The following MCTS1 variants were observed in gnomAD, a reference collection of about 807,000 sequenced individuals.
MCTS1 encodes MCTS1 re-initiation and release factor.
For synonymous variants in MCTS1, 26 were observed against 40.8 expected, an observed-to-expected ratio of 0.64 and a Z score of 1.38; for missense variants, 55 against 128.6, an observed-to-expected ratio of 0.43 and a Z score of 2.77.
intron 4 of MCTS1, among the ~76,000 whole-genome samples, chrX:120,610,143 G>A (rs752169599): frequency 3.6e-5 from 4 of 110,844 alleles, no homozygotes; most frequent in Non-Finnish European, 5.7e-5. Flanking sequence ...CCAACATGAC[G>A]AAACCCTGTC....
rs1229773891 is a variant in MCTS1, at chrX:120,617,931, G to T, written c.*5667G>T. ...CCTTGAAAACAAATACAATTCAATT[G>T]CCTTTTTGGTTCATGGGAAGCCATA... On this transcript the variant is annotated 3_prime_UTR_variant, in exon 6 of 6. Transcript: ENST00000371317. Among the ~76,000 whole-genome samples the T allele has an allele frequency of 8.9e-6, 1 of 112,277 alleles. No homozygotes were observed. The highest frequency in any genetic ancestry group is 1.9e-5 in the Non-Finnish European group (1 of 53,278).
intron 3 of MCTS1, among the ~76,000 whole-genome samples, chrX:120,606,770 G>A (rs943881427): frequency 2.2e-5 from 2 of 92,686 alleles, no homozygotes; most frequent in Admixed American, 2.6e-4. Flanking sequence ...GGGAACAAGA[G>A]CGAGACTTAG....
chrX:120,611,379 G>C, intron 5 of MCTS1: 1 of 188,023 alleles, frequency 5.3e-6, no homozygotes. Flanking sequence ...GAGGAGGGAA[G>C]ATGTTTTACT....
chrX:120,620,107 C>G lies in MCTS1; in HGVS notation c.*7843C>G, dbSNP rs191863762. Among the ~76,000 whole-genome samples the G allele has an allele frequency of 8.9e-3, 967 of 108,912 alleles. 10 individuals carry two copies. The highest frequency in any genetic ancestry group is 0.03 in the African/African-American group (910 of 29,850). 94.6% of individuals were successfully genotyped at this position (108,912 alleles called of 115,157 possible). ...TGGGCGGATCACGAGGTCAGGAGATCGAGACCATCCTGGCTAACGTGAAAC... is the reference window on the plus strand; with the variant it reads ...TGGGCGGATCACGAGGTCAGGAGATGGAGACCATCCTGGCTAACGTGAAAC... On this transcript the variant is annotated 3_prime_UTR_variant, in exon 6 of 6. Transcript: ENST00000371317.
At chrX:120,606,505 C>T (rs1019977360) in intron 3 of MCTS1, among the ~76,000 whole-genome samples, 5 of 112,488 alleles carry the variant, frequency 4.4e-5, no homozygotes, top group African/African-American at 1.3e-4. Flanking sequence ...TATTTATTGC[C>T]GGGCACGGAG....
At chrX:120,609,611 T>C (rs1036397834) in intron 4 of MCTS1, among the ~76,000 whole-genome samples, 1 of 112,215 alleles carries the variant, frequency 8.9e-6, no homozygotes, top group Admixed American at 9.5e-5. Flanking sequence ...TTTTGCCTAA[T>C]AGGTGCTCAC....
At chrX:120,604,328 C>T in intron 1 of MCTS1, 81 bp downstream of exon 1, 1 of 1,127,616 alleles carries the variant, frequency 8.9e-7, no homozygotes, top group East Asian at 3.0e-5. Context: ...AGCTAAGATC[C>T]TCTTTCTCTC....
rs1926529890 is a variant in MCTS1, at chrX:120,606,347, G to A, written c.262+171G>A. On this transcript the variant is annotated intron_variant, in intron 3 of 5. Coordinates refer to ENST00000371317, the MANE Select transcript of MCTS1 (RefSeq NM_014060.3). ...ACAAAAAGAGTTTAGAGTGACTTCT[G>A]ATAATTGACTCATTATTTATTAGTA... is the stretch of plus-strand genomic sequence containing the variant. Among the ~76,000 whole-genome samples, 3 of 112,244 alleles carry A rather than the reference G, an allele frequency of 2.7e-5. No individual in the cohort carries two copies. In the South Asian group the frequency reaches 1.1e-3, roughly 41 times the overall value.
rs936864670 is a variant in MCTS1, at chrX:120,617,764, G to A, written c.*5500G>A. ...GACTCGATTGTCAATAACTGTTAAC[G>A]TCCATTTAATAATCTATGGTGAAAT... On this transcript the variant is annotated 3_prime_UTR_variant, in exon 6 of 6. Coordinates refer to ENST00000371317, the MANE Select transcript of MCTS1 (RefSeq NM_014060.3). Among the ~76,000 whole-genome samples the A allele has an allele frequency of 7.2e-5, 8 of 111,596 alleles. No individual in the cohort carries two copies. The highest frequency in any genetic ancestry group is 2.6e-4 in the African/African-American group (8 of 30,744).
intron 3 of MCTS1, among the ~76,000 whole-genome samples, chrX:120,607,703 CA>C (rs1487094512): frequency 9.0e-6 from 1 of 111,221 alleles, no homozygotes; most frequent in East Asian, 2.8e-4. Flanking sequence ...TGGTTTTTCC[CA>C]AATACATGTC....
rs1479941551 is a variant in MCTS1, at chrX:120,619,278, T to C, written c.*7014T>C. The stretch of plus-strand genomic sequence containing the variant: ...ATATTTTAACATTTTACCATCAAGA[T>C]ATTTAATACAAAGGATTGATACATA... On this transcript the variant is annotated 3_prime_UTR_variant, in exon 6 of 6. Transcript: ENST00000371317. Among the ~76,000 whole-genome samples, 1 of 111,358 alleles carries C rather than the reference T, an allele frequency of 9.0e-6. No individual in the cohort carries two copies.
In MCTS1 at chrX:120,613,122, C is replaced by T. The variant is rs1490876716; in HGVS notation, c.*858C>T. Among the ~76,000 whole-genome samples, 1 of 109,772 alleles carries T rather than the reference C, an allele frequency of 9.1e-6. No homozygotes were observed. The highest frequency in any genetic ancestry group is 1.9e-5 in the Non-Finnish European group (1 of 52,677). On this transcript the variant is annotated 3_prime_UTR_variant, in exon 6 of 6. Coordinates refer to ENST00000371317, the MANE Select transcript of MCTS1 (RefSeq NM_014060.3). ...TGTATTTTTGGTAGAGATGGGGTTT[C>T]GCTATGTTGGCCAGACTGGTCTTGA...
intron 1 of MCTS1, chrX:120,604,829 T>G: frequency 2.6e-6 from 3 of 1,154,914 alleles, no homozygotes; most frequent in East Asian, 6.7e-5. Flanking sequence ...CCAGATTTGG[T>G]AGACGCAAAA....
chrX:120,604,124 T>C lies in MCTS1; in HGVS notation c.-113T>C. ...TCGTTTTCCGGATAACGACTACAGCTCCGACTGTCAGTGCCGGCCTTCCTC... is the reference window on the plus strand; with the variant it reads ...TCGTTTTCCGGATAACGACTACAGCCCCGACTGTCAGTGCCGGCCTTCCTC... On this transcript the variant is annotated 5_prime_UTR_variant, in exon 1 of 6. Coordinates refer to ENST00000371317, the MANE Select transcript of MCTS1 (RefSeq NM_014060.3). The C allele has an allele frequency of 3.1e-6, 3 of 955,429 alleles. No homozygotes were observed. Among genetic ancestry groups the C allele is most frequent in the Non-Finnish European group, 4.4e-6 (3 of 678,484 alleles). 78.7% of individuals were successfully genotyped at this position (955,429 alleles called of 1,213,427 possible).
In MCTS1 at chrX:120,616,731, C is replaced by T. The variant is rs978775634; in HGVS notation, c.*4467C>T. On this transcript the variant is annotated 3_prime_UTR_variant, in exon 6 of 6. Coordinates refer to ENST00000371317, the MANE Select transcript of MCTS1 (RefSeq NM_014060.3). ...AACTCATTAGTATAATTAATACTTG[C>T]CTCTTAGAATGAAAATTAAAGAACT... Among the ~76,000 whole-genome samples the T allele has an allele frequency of 3.6e-4, 40 of 111,869 alleles. No homozygotes were observed. The highest frequency in any genetic ancestry group is 1.3e-3 in the African/African-American group (40 of 30,878).
intron 1 of MCTS1, 133 bp downstream of exon 1, chrX:120,604,380 G>C (rs921265671): frequency 2.0e-5 from 17 of 850,546 alleles, no homozygotes; most frequent in Non-Finnish European, 2.8e-5. Context: ...GTTTTCTATA[G>C]TACTATGCTC....
intron 4 of MCTS1, among the ~76,000 whole-genome samples, chrX:120,609,127 G>A (rs749387872): frequency 3.6e-5 from 4 of 111,751 alleles, no homozygotes; most frequent in Non-Finnish European, 5.6e-5. Context: ...TTTGCCTCGG[G>A]TATAGAAAAG....
intron 4 of MCTS1, among the ~76,000 whole-genome samples, chrX:120,608,926 C>T (rs867958180): frequency 2.7e-5 from 3 of 111,762 alleles, no homozygotes; most frequent in Non-Finnish European, 5.6e-5. Flanking sequence ...CCTCAGAGCA[C>T]GTTTTCTCAA....
Position 120,612,297 on chromosome X carries a change from G to A in MCTS1, c.*33G>A, listed in dbSNP as rs1926705950. The A allele has an allele frequency of 9.7e-7, 1 of 1,028,436 alleles. No individual in the cohort carries two copies. Among genetic ancestry groups the A allele is most frequent in the African/African-American group, 1.9e-5 (1 of 53,334 alleles). The allele number at this position is 1,028,436 out of a possible 1,213,427, so 84.8% of individuals were successfully genotyped here. A position where few individuals can be genotyped will look rare whatever the true frequency, so the allele number is the denominator to read the frequency against. ...AAGGAATGCACTTGGGCTAAATATG[G>A]ATATTGTGCTGTATCTGTGTTTGTG... On this transcript the variant is annotated 3_prime_UTR_variant, in exon 6 of 6. Transcript: ENST00000371317.
Sources: gnomAD v4.1 joint callset for allele counts (sites outside exome capture counted in the v4.1 genomes callset) on GRCh38, gnomAD v4.1.1 for gene constraint, MANE v1.5 for transcripts, NCBI Gene and HGNC (gene_info 2026-07-23, HGNC 2026-07-21) for gene names.